PCDHA10: variants seen among roughly 807,000 people sequenced by gnomAD.
PCDHA10 encodes the protein protocadherin alpha-10.
In PCDHA10, 45 loss-of-function variants were observed where a neutral mutation model predicts 61.2. The observed-to-expected ratio is 0.74, with a 90% CI of 0.58 to 0.94. The LOEUF (loss-of-function observed/expected upper bound fraction) is 0.94, where lower values mean the gene tolerates loss of function less well. PCDHA10 is among the 40% of genes least tolerant of loss of function. The probability of loss-of-function intolerance (pLI) is 0.00; values close to 1 mark genes in which losing one functional copy is unlikely to be tolerated. For synonymous variants in PCDHA10, 602 were observed against 548.8 expected, an observed-to-expected ratio of 1.10 and a Z score of -1.35; for missense variants, 1,278 against 1,236.2, an observed-to-expected ratio of 1.03 and a Z score of -0.51.
At chr5:140,896,673 G>T (rs962137649) in intron 1 of PCDHA10, among the ~76,000 whole-genome samples, 1 of 152,000 alleles carries the variant, frequency 6.6e-6, no homozygotes, top group African/African-American at 2.4e-5. Context: ...CACTGTGCCC[G>T]GCCCTTTGCC....
At chr5:140,870,900 C>T in intron 1 of PCDHA10, 1 of 1,613,956 alleles carries the variant, frequency 6.2e-7, no homozygotes, top group Non-Finnish European at 8.5e-7. Flanking sequence ...TGGATGCGGA[C>T]TCAGGCTACA....
chr5:141,009,717 A>C lies in PCDHA10; in HGVS notation c.2627A>C (p.Gln876Pro). Residue 876 changes from glutamine to proline, a missense_variant, in exon 4 of 4, where the codon CAA becomes CCA. Coordinates refer to ENST00000307360, the MANE Select transcript of PCDHA10 (RefSeq NM_018901.4). ...AAATACGGACCAGGCAACCCCAAAC[A>C]ATCCGGTCCCGGTGAGTTGCCCGAC... ...TFKYGPGNPK[Q>P]SGPGELPDKF... is the part of the protein sequence containing the mutation. 4 of 1,614,058 alleles carry C rather than the reference A, an allele frequency of 2.5e-6. No homozygotes were observed. The highest frequency in any genetic ancestry group is 3.4e-6 in the Non-Finnish European group (4 of 1,180,004).
chr5:140,941,190 TTTTTCTTTCTTC>T (rs1475511565), intron 1 of PCDHA10, among the ~76,000 whole-genome samples: 3 of 129,438 alleles, frequency 2.3e-5, no homozygotes, highest in South Asian at 2.5e-4. Context: ...TGCTTCTTTT[TTTTTCTTTCTTC>T]CTTTCTTTCT....
chr5:140,911,420 C>T (rs1411930717), intron 1 of PCDHA10, among the ~76,000 whole-genome samples: 1 of 152,134 alleles, frequency 6.6e-6, no homozygotes, highest in Non-Finnish European at 1.5e-5. Context: ...ATGATAAGAA[C>T]TTGTGTCCAA....
At chr5:140,908,021 C>T (rs958070573) in intron 1 of PCDHA10, among the ~76,000 whole-genome samples, 28 of 152,314 alleles carry the variant, frequency 1.8e-4, no homozygotes, top group African/African-American at 6.7e-4. Flanking sequence ...TGGCTACAGC[C>T]CATTAATCAG....
chr5:140,920,780 G>A lies in PCDHA10; in HGVS notation c.2389-58169G>A, dbSNP rs187594262. Among the ~76,000 whole-genome samples the A allele has an allele frequency of 7.9e-3, 1,202 of 151,454 alleles. 5 individuals carry two copies. Among genetic ancestry groups the A allele is most frequent in the African/African-American group, 0.019 (781 of 41,244 alleles). ...AATTGCTTACACCTGGGAGGTGGAG[G>A]TTGCAGGGAACCAAGATCACGCCAC... On this transcript the variant is annotated intron_variant, in intron 1 of 3. Transcript: ENST00000307360.
At chr5:140,947,304 T>A (rs1370804451) in intron 1 of PCDHA10, among the ~76,000 whole-genome samples, 1 of 151,606 alleles carries the variant, frequency 6.6e-6, no homozygotes, top group Admixed American at 6.6e-5. Flanking sequence ...CTTGACATCT[T>A]TGTAAAAAGT....
chr5:140,916,956 C>T (rs1554197714), intron 1 of PCDHA10, among the ~76,000 whole-genome samples: 1 of 152,220 alleles, frequency 6.6e-6, no homozygotes, highest in Non-Finnish European at 1.5e-5. Flanking sequence ...TTGCTGAGTT[C>T]TGACTGCTGG....
At position 141,010,163 on chromosome 5, in the gene PCDHA10, C is replaced by T; in HGVS notation, c.*226C>T. Reference sequence around the variant, plus strand: ...CTTTCTCTCCACTCTGGCTTGTTTTCAGAACCTAAAAAGCAGACCCAAGTT... The same window carrying T: ...CTTTCTCTCCACTCTGGCTTGTTTTTAGAACCTAAAAAGCAGACCCAAGTT... On this transcript the variant is annotated 3_prime_UTR_variant, in exon 4 of 4. Transcript: ENST00000307360. 1 of 1,565,826 alleles carries T rather than the reference C, an allele frequency of 6.4e-7. No homozygotes were observed. The highest frequency in any genetic ancestry group is 8.7e-7 in the Non-Finnish European group (1 of 1,154,220).
rs576221086 is a variant in PCDHA10, at chr5:140,933,031, A to G, written c.2389-45918A>G. Among the ~76,000 whole-genome samples, 5 of 152,154 alleles carry G rather than the reference A, an allele frequency of 3.3e-5. No individual in the cohort carries two copies. The South Asian group carries it at 6.2e-4, about 19-fold the overall frequency. ...AATATTAACACTTGGCAGAACTTCAAGTGAATATGGATTACAGTCCAGGAT... is the reference window on the plus strand; with the variant it reads ...AATATTAACACTTGGCAGAACTTCAGGTGAATATGGATTACAGTCCAGGAT... On this transcript the variant is annotated intron_variant, in intron 1 of 3. Coordinates refer to ENST00000307360, the MANE Select transcript of PCDHA10 (RefSeq NM_018901.4).
chr5:140,967,608 C>T, intron 1 of PCDHA10: 1 of 1,614,160 alleles, frequency 6.2e-7, no homozygotes, highest in Non-Finnish European at 8.5e-7. Flanking sequence ...AAGCTGAATG[C>T]CTCAGACCCG....
At chr5:140,897,008 T>C (rs1215081415) in intron 1 of PCDHA10, among the ~76,000 whole-genome samples, 13 of 152,154 alleles carry the variant, frequency 8.5e-5, no homozygotes, top group Admixed American at 1.3e-4. Flanking sequence ...TATTTTTAAA[T>C]ATACAACTAA....
chr5:140,964,701 C>T (rs1228970267), intron 1 of PCDHA10, among the ~76,000 whole-genome samples: 2 of 151,776 alleles, frequency 1.3e-5, no homozygotes, highest in Non-Finnish European at 2.9e-5. Context: ...GAGATTAAGG[C>T]CTCCGAGATC....
chr5:140,870,061 C>G, intron 1 of PCDHA10: 1 of 1,613,758 alleles, frequency 6.2e-7, no homozygotes, highest in Non-Finnish European at 8.5e-7. Flanking sequence ...AATTGAAGTA[C>G]AGGCTACAGA....
At chr5:140,892,563 T>G (rs1554185281) in intron 1 of PCDHA10, among the ~76,000 whole-genome samples, 2 of 152,248 alleles carry the variant, frequency 1.3e-5, no homozygotes, top group Admixed American at 6.5e-5. Context: ...CCTTGGAGAC[T>G]GTCAAAAGTA....
At chr5:140,967,699 T>C (rs781874469) in intron 1 of PCDHA10, 9 of 1,614,154 alleles carry the variant, frequency 5.6e-6, no homozygotes, top group Non-Finnish European at 7.6e-6. Context: ...TCAGCATAGA[T>C]GCCAGTACCG....
rs1563186680 is a variant in PCDHA10 at position 140,941,223 on chromosome 5, C to CTTTCTT, written c.2389-37724_2389-37719dup. Among the ~76,000 whole-genome samples the CTTTCTT allele has an allele frequency of 6.9e-4, 92 of 132,548 alleles. 1 individual carries two copies. The highest frequency in any genetic ancestry group is 2.7e-3 in the African/African-American group (88 of 33,182). The allele number at this position is 132,548 out of a possible 152,430, so 87.0% of individuals were successfully genotyped here. A position where few individuals can be genotyped will look rare whatever the true frequency, so the allele number is the denominator to read the frequency against. ...TCTTCCTTTCTTTCTTCCTTTCTTT[C>CTTTCTT]TTTCTTTCTTTCTTTCTTTCTTTCT... On this transcript the variant is annotated intron_variant, in intron 1 of 3. Coordinates refer to ENST00000307360, the MANE Select transcript of PCDHA10 (RefSeq NM_018901.4).
At chr5:140,924,903 AAATAAAAT>A (rs1318660055) in intron 1 of PCDHA10, among the ~76,000 whole-genome samples, 2 of 54,856 alleles carry the variant, frequency 3.6e-5, no homozygotes, top group African/African-American at 8.4e-5. Context: ...TCAAAAAAAA[AAATAAAAT>A]AAAATAAAAT....
intron 1 of PCDHA10, among the ~76,000 whole-genome samples, chr5:140,978,710 A>G (rs576055391): frequency 1.3e-5 from 2 of 152,378 alleles, no homozygotes; most frequent in East Asian, 3.9e-4. Flanking sequence ...GGTGGCCTTT[A>G]CAAGATTATT....
Sources: allele counts gnomAD v4.1 joint callset (sites outside exome capture counted in the v4.1 genomes callset), GRCh38; gene constraint gnomAD v4.1.1; transcripts MANE v1.5; gene names NCBI Gene and HGNC (gene_info 2026-07-23, HGNC 2026-07-21).